Variants in CLGN observed in about 807,000 individuals in gnomAD.
CLGN encodes calmegin.
A neutral mutation model predicts 79.1 loss-of-function variants in CLGN; 62 were observed. That is an observed-to-expected ratio of 0.78 (90% CI 0.64 to 0.97). The LOEUF is 0.97. CLGN is among the 50% of genes least tolerant of loss of function. The pLI is 0.00. For synonymous variants in CLGN, 225 were observed against 224.7 expected (o/e 1.00, Z -0.01); for missense variants, 647 against 715.5 (o/e 0.90, Z 1.09).
intron 2 of CLGN, among the ~76,000 whole-genome samples, chr4:140,411,626 G>A (rs1729212644): frequency 6.6e-6 from 1 of 151,938 alleles, no homozygotes; most frequent in Admixed American, 6.6e-5. Flanking sequence ...TATTTTCACT[G>A]TCCCTATCCT....
At chr4:140,420,159 C>G (rs1729436431) in intron 1 of CLGN, among the ~76,000 whole-genome samples, 1 of 151,870 alleles carries the variant, frequency 6.6e-6, no homozygotes, top group Admixed American at 6.6e-5. Flanking sequence ...TTTGTTTGAA[C>G]TCTGGTGTAC....
intron 1 of CLGN, among the ~76,000 whole-genome samples, chr4:140,414,122 G>C (rs577374736): frequency 1.3e-5 from 2 of 152,288 alleles, no homozygotes; most frequent in South Asian, 2.1e-4. Context: ...TATTCCAACA[G>C]ACCTGCAGTT....
At chr4:140,412,664 C>G (rs1202439076) in intron 2 of CLGN, among the ~76,000 whole-genome samples, 1 of 152,098 alleles carries the variant, frequency 6.6e-6, no homozygotes, top group African/African-American at 2.4e-5. Flanking sequence ...TAGCTTAGTT[C>G]TCTTTAATCC....
intron 4 of CLGN, among the ~76,000 whole-genome samples, chr4:140,408,148 C>A (rs1053987492): frequency 3.3e-5 from 5 of 152,056 alleles, no homozygotes; most frequent in Non-Finnish European, 5.9e-5. Context: ...GAAACTGGAT[C>A]CTTACTTGTC....
chr4:140,392,665 C>A lies in CLGN; in HGVS notation c.1412G>T (p.Trp471Leu). The A allele has an allele frequency of 6.2e-7, 1 of 1,610,602 alleles. No homozygotes were observed. Among genetic ancestry groups the A allele is most frequent in the Non-Finnish European group, 8.5e-7 (1 of 1,178,602 alleles). The change falls in exon 12 of 15, where the codon TGG becomes TTG. Residue 471 changes from tryptophan to leucine, a missense_variant. Coordinates refer to ENST00000325617, the MANE Select transcript of CLGN (RefSeq NM_004362.3). Reference protein sequence around the residue: ...QLMAAAEGHPWLWLIYLVTAG... With the variant: ...QLMAAAEGHPLLWLIYLVTAG... ...TGTCACAAGATAAATCAACCAAAGCCATGGGTGCCCTTCAGCAGCTGCCAT... is the reference window on the plus strand; with the variant it reads ...TGTCACAAGATAAATCAACCAAAGCAATGGGTGCCCTTCAGCAGCTGCCAT...
chr4:140,403,330 T>G (rs1729033139), intron 5 of CLGN, among the ~76,000 whole-genome samples: 1 of 152,206 alleles, frequency 6.6e-6, no homozygotes, highest in South Asian at 2.1e-4. Context: ...TTATGATGAT[T>G]AAAGGATATC....
intron 8 of CLGN, 99 bp from the exon 9 acceptor site, chr4:140,396,304 G>C (rs1032907057): frequency 3.7e-5 from 38 of 1,021,684 alleles, no homozygotes; most frequent in Non-Finnish European, 5.4e-5. Context: ...CCTCCCTTTT[G>C]TTTGTGCCTG....
intron 2 of CLGN, among the ~76,000 whole-genome samples, chr4:140,412,549 G>A (rs1160861275): frequency 6.6e-6 from 1 of 151,402 alleles, no homozygotes; most frequent in Non-Finnish European, 1.5e-5. Context: ...TCTTTTCTCA[G>A]AGAAATAAAG....
In CLGN at chr4:140,396,134, G is replaced by C; in HGVS notation, c.956C>G (p.Pro319Arg). Residue 319 changes from proline (P) to arginine (R), a missense_variant, in exon 9 of 15, where the codon CCA becomes CGA. Transcript: ENST00000325617. Reference sequence around the variant, plus strand: ...AGCATTAGGATCAGGGATAAATTTTGGTTCATCATCAAGCCAGCCAGCAGG... The same window carrying C: ...AGCATTAGGATCAGGGATAAATTTTCGTTCATCATCAAGCCAGCCAGCAGG... The part of the protein sequence containing the change: ...VKPAGWLDDE[P>R]KFIPDPNAEK... 3 of 1,614,086 alleles carry C rather than the reference G, an allele frequency of 1.9e-6. No individual in the cohort carries two copies. The highest frequency in any genetic ancestry group is 2.2e-5 in the South Asian group (2 of 91,080).
intron 13 of CLGN, among the ~76,000 whole-genome samples, chr4:140,391,865 C>G (rs1478574679): frequency 6.6e-6 from 1 of 151,734 alleles, no homozygotes; most frequent in Non-Finnish European, 1.5e-5. Flanking sequence ...ATATCTATTC[C>G]TTTTCTACAG....
At chr4:140,390,530 T>C (rs1728753306) in intron 14 of CLGN, 98 bp downstream of exon 14, 1 of 712,362 alleles carries the variant, frequency 1.4e-6, no homozygotes, top group South Asian at 2.6e-5. Flanking sequence ...CTGAGAGAAA[T>C]ATGGCAAAAA....
At chr4:140,400,118 G>T (rs1269547896) in intron 7 of CLGN, among the ~76,000 whole-genome samples, 2 of 152,026 alleles carry the variant, frequency 1.3e-5, no homozygotes, top group East Asian at 3.9e-4. Context: ...TCCTAGCTTT[G>T]TTCCAAGTCT....
At chr4:140,398,807 C>T (rs532573289) in intron 8 of CLGN, 44 bp downstream of exon 8, 1 of 1,523,008 alleles carries the variant, frequency 6.6e-7, no homozygotes, top group African/African-American at 1.4e-5. Context: ...GTTTCATTAC[C>T]TAGTTATGCC....
chr4:140,398,835 C>A lies in CLGN; in HGVS notation c.884+16G>T. On this transcript the variant is annotated intron_variant, in intron 8 of 14. Transcript: ENST00000325617. ...GTTATGCCAGATAATGCTTTGCTAC[C>A]GAATTATTTGCTTACCAGTCTTCTG... is the stretch of plus-strand genomic sequence containing the variant. 1.2e-6 allele frequency: 2 copies of A among 1,610,044 alleles called. No individual in the cohort carries two copies. Among genetic ancestry groups the A allele is most frequent in the Non-Finnish European group, 1.7e-6 (2 of 1,177,388 alleles).
At chr4:140,392,797 C>T (rs1728800443) in intron 11 of CLGN, 86 bp from the exon 12 acceptor site, 1 of 1,303,846 alleles carries the variant, frequency 7.7e-7, no homozygotes, top group Middle Eastern at 2.0e-4. Context: ...CTTATTTACT[C>T]AGGCATTTTA....
intron 1 of CLGN, among the ~76,000 whole-genome samples, chr4:140,414,441 G>A (rs1729282356): frequency 6.6e-6 from 1 of 151,594 alleles, no homozygotes; most frequent in South Asian, 2.1e-4. Flanking sequence ...CAAAAAAGTT[G>A]AAAACTTTGA....
intron 5 of CLGN, among the ~76,000 whole-genome samples, chr4:140,405,164 A>ATTTTT (rs33924118): frequency 5.9e-5 from 5 of 85,308 alleles, no homozygotes; most frequent in African/African-American, 1.6e-4. Flanking sequence ...ATAACAAGTA[A>ATTTTT]TTTTTTTTAT....
chr4:140,408,382 G>T (rs1009686808), intron 4 of CLGN, among the ~76,000 whole-genome samples: 1 of 152,124 alleles, frequency 6.6e-6, no homozygotes, highest in African/African-American at 2.4e-5. Flanking sequence ...AATCATCAGA[G>T]TAAACAGATA....
At chr4:140,408,886 C>T (rs201940455) in intron 4 of CLGN, among the ~76,000 whole-genome samples, 37 of 75,916 alleles carry the variant, frequency 4.9e-4, no homozygotes, top group African/African-American at 9.1e-4. Context: ...TATATATATA[C>T]ACACACACAC....
Sources: allele counts gnomAD v4.1 joint callset (sites outside exome capture counted in the v4.1 genomes callset), GRCh38; gene constraint gnomAD v4.1.1; transcripts MANE v1.5; gene names NCBI Gene and HGNC (gene_info 2026-07-23, HGNC 2026-07-21).